EBF4: variants seen among roughly 807,000 people sequenced by gnomAD.
The protein encoded by EBF4 is EBF transcription factor 4, also known as transcription factor COE4.
Under a neutral mutation model 67.1 loss-of-function variants are expected in EBF4, and 34 were observed. The ratio of observed to expected loss-of-function variants is 0.51; its 90% CI spans 0.39 to 0.67. The LOEUF (loss-of-function observed/expected upper bound fraction) is 0.67, where lower values mean the gene tolerates loss of function less well. EBF4 is among the 30% of genes least tolerant of loss of function. The probability of loss-of-function intolerance (pLI) is 0.00; values close to 1 mark genes in which losing one functional copy is unlikely to be tolerated. For synonymous variants in EBF4, 387 were observed against 377.7 expected, an observed-to-expected ratio of 1.02 and a Z score of -0.29; for missense variants, 837 against 873.3, an observed-to-expected ratio of 0.96 and a Z score of 0.52.
intron 6 of EBF4, among the ~76,000 whole-genome samples, chr20:2,732,838 G>A (rs1175832525): frequency 4.2e-5 from 3 of 71,432 alleles, no homozygotes; most frequent in South Asian, 4.9e-4. Context: ...TTTTTGAGAC[G>A]GAATTATAAA....
rs537863999 is a variant in EBF4 at position 2,707,725 on chromosome 20, A to T, written c.415-222A>T. Among the ~76,000 whole-genome samples, 6 of 152,248 alleles carry T rather than the reference A, an allele frequency of 3.9e-5. No individual in the cohort carries two copies. The East Asian group carries it at 1.2e-3, about 29-fold the overall frequency. Reference sequence around the variant, plus strand: ...AAAGAGCCACCTACAGACAGACAGAATCTGCAGACTTCATACCATTCTTGC... The same window carrying T: ...AAAGAGCCACCTACAGACAGACAGATTCTGCAGACTTCATACCATTCTTGC... On this transcript the variant is annotated intron_variant, in intron 4 of 16. Transcript: ENST00000609451. The surrounding 1 kb of genome is among the most constrained non-coding windows in gnomAD (Gnocchi z 4.6).
At chr20:2,716,484 G>A (rs1014688254) in intron 6 of EBF4, among the ~76,000 whole-genome samples, 2 of 150,244 alleles carry the variant, frequency 1.3e-5, no homozygotes, top group South Asian at 2.1e-4. Flanking sequence ...AGCCGAGATC[G>A]TGCCACTGCA....
At chr20:2,703,160 G>T (rs1166447174) in intron 1 of EBF4, among the ~76,000 whole-genome samples, 4 of 151,798 alleles carry the variant, frequency 2.6e-5, no homozygotes, top group African/African-American at 9.7e-5. Context: ...AGGAGGCTGA[G>T]GTGGGAGGAT....
intron 16 of EBF4, 23 bp downstream of exon 16, chr20:2,759,007 C>T: frequency 1.3e-6 from 2 of 1,546,348 alleles, no homozygotes; most frequent in African/African-American, 1.4e-5. Context: ...CTGGGTCTGG[C>T]CTCCCCCGCC....
rs909296105 is a variant in EBF4 at position 2,705,899 on chromosome 20, G to GTTAGGAGAA, written c.295-74_295-66dup. The GTTAGGAGAA allele has an allele frequency of 3.3e-6, 5 of 1,513,760 alleles. No homozygotes were observed. The African/African-American group carries it at 5.5e-5, about 17-fold the overall frequency. The allele number at this position is 1,513,760 out of a possible 1,614,324, so 93.8% of individuals were successfully genotyped here. A position where few individuals can be genotyped will look rare whatever the true frequency, so the allele number is the denominator to read the frequency against. Reference sequence around the variant, plus strand: ...CTGGAAGGGTGGGAAAGAAGTTGGGGTTAGGAGAAGGGGTGGACAAGGGAG... The same window carrying GTTAGGAGAA: ...CTGGAAGGGTGGGAAAGAAGTTGGGGTTAGGAGAATTAGGAGAAGGGGTGGACAAGGGAG... On this transcript the variant is annotated intron_variant, in intron 2 of 16. Coordinates refer to ENST00000609451, the Ensembl canonical transcript of EBF4.
Position 2,711,100 on chromosome 20 carries a change from A to T in EBF4, c.557+1458A>T, listed in dbSNP as rs1428468622. 2.0e-5 allele frequency among the ~76,000 whole-genome samples: 3 copies of T among 151,900 alleles called. No homozygotes were observed. In the East Asian group the frequency reaches 5.8e-4, roughly 29 times the overall value. On this transcript the variant is annotated intron_variant, in intron 6 of 16. Transcript: ENST00000609451. ...GAGGTCTAGACTGCAGCGAGCTGTGATTGTGCCACTGCACTCCAGTCTGGG... is the reference window on the plus strand; with the variant it reads ...GAGGTCTAGACTGCAGCGAGCTGTGTTTGTGCCACTGCACTCCAGTCTGGG...
In EBF4 at chr20:2,709,654, G is replaced by T. The variant is rs1600209643; in HGVS notation, c.557+12G>T. 1 of 1,534,834 alleles carries T rather than the reference G, an allele frequency of 6.5e-7. No homozygotes were observed. Among genetic ancestry groups the T allele is most frequent in the Non-Finnish European group, 8.8e-7 (1 of 1,136,426 alleles). The stretch of plus-strand genomic sequence containing the variant: ...GTCATCATTGACAGGTACAGGCTCA[G>T]GGAGGGGGCCTGGAAGCTCAGAGGA... On this transcript the variant is annotated intron_variant, in intron 6 of 16. Transcript: ENST00000609451.
chr20:2,704,892 C>T (rs2087429248), intron 1 of EBF4, among the ~76,000 whole-genome samples: 1 of 152,214 alleles, frequency 6.6e-6, no homozygotes, highest in Non-Finnish European at 1.5e-5. Flanking sequence ...TGCTTCTGGG[C>T]ATGGTTTCTG....
Position 2,755,774 on chromosome 20 carries a change from C to T in EBF4, c.1688C>T (p.Pro563Leu), listed in dbSNP as rs2088234389. Residue 563 changes from proline (P) to leucine (L), a missense_variant, in exon 15 of 17, where the codon CCA becomes CTA. Pro to Leu is a moderately conservative substitution (Grantham distance 98, BLOSUM62 -3). Around this residue, in one of 3 missense-constraint regions of EBF4, gnomAD observed 525 missense variants for 496.5 expected, o/e 1.06. Transcript: ENST00000609451. The surrounding 1 kb of genome is among the most constrained non-coding windows in gnomAD (Gnocchi z 4.7). ...GCCTTCGCCCCCGTGCTGCGCCCCC[C>T]AAGCTCCCCACCCCAGGCCTGCCCC... The T allele has an allele frequency of 3.2e-6, 5 of 1,550,110 alleles. No homozygotes were observed. Among genetic ancestry groups the T allele is most frequent in the South Asian group, 1.2e-5 (1 of 84,052 alleles).
exon 13 of EBF4, chr20:2,752,185 C>A (rs2088161259): frequency 1.4e-6 from 2 of 1,430,976 alleles, no homozygotes; most frequent in Non-Finnish European, 1.8e-6. Flanking sequence ...CCACCCACAC[C>A]CCGCCGTCGT....
rs2088142529 is a variant in EBF4, at chr20:2,751,365, C to A, written c.1019-335C>A. Among the ~76,000 whole-genome samples, 1 of 152,216 alleles carries A rather than the reference C, an allele frequency of 6.6e-6. No individual in the cohort carries two copies. The highest frequency in any genetic ancestry group is 6.5e-5 in the Admixed American group (1 of 15,284). On this transcript the variant is annotated intron_variant, in intron 10 of 16. Coordinates refer to ENST00000609451, the Ensembl canonical transcript of EBF4. The surrounding 1 kb of genome is among the most constrained non-coding windows in gnomAD (Gnocchi z 5.2). ...GAAAAGAGAAAACTCTCCATCGAGT[C>A]CTGCCCTTAGGACTATAACTCATAT...
At chr20:2,694,050 C>A (rs955095324) in intron 1 of EBF4, among the ~76,000 whole-genome samples, 1 of 152,224 alleles carries the variant, frequency 6.6e-6, no homozygotes, top group East Asian at 1.9e-4. Flanking sequence ...GCCACCCCAG[C>A]CGGGCTGTCT....
intron 6 of EBF4, among the ~76,000 whole-genome samples, chr20:2,716,653 A>G (rs1269795846): frequency 1.3e-5 from 2 of 152,138 alleles, no homozygotes; most frequent in African/African-American, 4.8e-5. Context: ...AATTAGGGGT[A>G]TGGTGTGAAT....
chr20:2,712,412 G>A (rs1331656870), intron 6 of EBF4, among the ~76,000 whole-genome samples: 2 of 152,162 alleles, frequency 1.3e-5, no homozygotes, highest in African/African-American at 4.8e-5. Flanking sequence ...GAGAGAGAGA[G>A]AGTCAAAGAC....
Position 2,696,301 on chromosome 20 carries a change from G to A in EBF4, c.137+2519G>A, listed in dbSNP as rs886534775. 3.3e-5 allele frequency among the ~76,000 whole-genome samples: 5 copies of A among 152,196 alleles called. No homozygotes were observed. The highest frequency in any genetic ancestry group is 1.3e-4 in the Admixed American group (2 of 15,284). The stretch of plus-strand genomic sequence containing the variant: ...AGCCTAGCCAACATGGTGAAACCCT[G>A]TCTCTACTAATAATACAAAAATTAG... On this transcript the variant is annotated intron_variant, in intron 1 of 16. Coordinates refer to ENST00000609451, the Ensembl canonical transcript of EBF4. This position sits in a 1 kb window ranked among gnomAD's most constrained non-coding sequence, Gnocchi z 4.7.
intron 6 of EBF4, among the ~76,000 whole-genome samples, chr20:2,724,080 G>A (rs548713222): frequency 1.5e-4 from 23 of 152,280 alleles, no homozygotes; most frequent in African/African-American, 5.5e-4. Flanking sequence ...TGATGTGTTG[G>A]AGCTGGTTTA....
At chr20:2,760,050 A>G (rs535516045), downstream of EBF4, 1 of 152,358 alleles carries the variant, frequency 6.6e-6, no homozygotes, top group Admixed American at 6.5e-5. The surrounding 1 kb of genome is among the most constrained non-coding windows in gnomAD (Gnocchi z 4.2). Flanking sequence ...GAGAAAACAG[A>G]ACAATAAACC....
upstream of EBF4, chr20:2,693,202 G>T (rs1243494202): frequency 6.5e-6 from 1 of 154,666 alleles, no homozygotes; most frequent in Admixed American, 6.6e-5. This position sits in a 1 kb window ranked among gnomAD's most constrained non-coding sequence, Gnocchi z 4.6. Flanking sequence ...GGGAGGTGGG[G>T]GCGGCGAGGG....
intron 6 of EBF4, among the ~76,000 whole-genome samples, chr20:2,715,376 G>A (rs1489241394): frequency 3.9e-5 from 6 of 152,188 alleles, no homozygotes; most frequent in Non-Finnish European, 8.8e-5. Flanking sequence ...GTATTTAGCT[G>A]TAGTTTGTCA....
Sources: allele counts gnomAD v4.1 joint callset (sites outside exome capture counted in the v4.1 genomes callset), GRCh38; gene constraint gnomAD v4.1.1; regional missense constraint gnomAD v4.1.1; non-coding constraint Gnocchi (gnomAD v3.1); transcripts MANE v1.5; gene names NCBI Gene and HGNC (gene_info 2026-07-23, HGNC 2026-07-21).